RBM41: variants seen among roughly 807,000 people sequenced by gnomAD.
The protein encoded by RBM41 is RNA-binding protein 41.
Under a neutral mutation model 30.8 loss-of-function variants are expected in RBM41, and 14 were observed. That is an observed-to-expected ratio of 0.45 (90% CI 0.30 to 0.71). RBM41 has a LOEUF of 0.71. RBM41 is among the 30% of genes least tolerant of loss of function. The pLI is 0.08. For missense variants in RBM41, 276 were observed against 326.3 expected, an observed-to-expected ratio of 0.85 and a Z score of 1.19; for synonymous variants, 120 against 110.1, an observed-to-expected ratio of 1.09 and a Z score of -0.56.
intron 6 of RBM41, among the ~76,000 whole-genome samples, chrX:107,082,578 T>G (rs1447620610): frequency 9.0e-6 from 1 of 111,468 alleles, no homozygotes; most frequent in Non-Finnish European, 1.9e-5. Flanking sequence ...AGTTAAGAAG[T>G]GTTCCCTCTG....
intron 1 of RBM41, 140 bp downstream of exon 1, chrX:107,118,626 T>A: frequency 1.3e-6 from 1 of 796,136 alleles, no homozygotes; most frequent in Non-Finnish European, 1.9e-6. Flanking sequence ...TCCTCCCGTC[T>A]CCTTTGTCGT....
intron 5 of RBM41, among the ~76,000 whole-genome samples, chrX:107,092,721 A>G (rs766102690): frequency 8.9e-6 from 1 of 112,625 alleles, no homozygotes; most frequent in Non-Finnish European, 1.9e-5. Context: ...CCAACATTAC[A>G]TGTCAGTGAA....
Position 107,117,718 on chromosome X carries a change from A to G in RBM41, c.9-952T>C, listed in dbSNP as rs62605987. 3.9e-3 allele frequency among the ~76,000 whole-genome samples: 436 copies of G among 111,893 alleles called. 1 individual carries two copies. The highest frequency in any genetic ancestry group is 5.9e-3 in the Non-Finnish European group (314 of 53,151). On this transcript the variant is annotated intron_variant, in intron 1 of 7. Transcript: ENST00000685964. Reference sequence around the variant, plus strand: ...GAACATTTTGTTTAGGGATAAATTCATATGTACTAGAAACTATTTGCTTTT... The same window carrying G: ...GAACATTTTGTTTAGGGATAAATTCGTATGTACTAGAAACTATTTGCTTTT...
At position 107,062,623 on chromosome X, in the gene RBM41, T is replaced by C. The variant is rs1395428516; in HGVS notation, c.*4904A>G. 9.2e-6 allele frequency among the ~76,000 whole-genome samples: 1 copy of C among 108,984 alleles called. No homozygotes were observed. Among genetic ancestry groups the C allele is most frequent in the Admixed American group, 9.7e-5 (1 of 10,355 alleles). 94.6% of individuals were successfully genotyped at this position (108,984 alleles called of 115,157 possible). ...AGCCATGCCATTGGCAGAATATTTT[T>C]TAAAAAATTTTTTAGTTAAAAAAAA... On this transcript the variant is annotated 3_prime_UTR_variant, in exon 8 of 8. Transcript: ENST00000685964.
chrX:107,107,670 T>C (rs766256187), intron 5 of RBM41, among the ~76,000 whole-genome samples: 1 of 111,642 alleles, frequency 9.0e-6, no homozygotes, highest in East Asian at 2.8e-4. Flanking sequence ...GTGGATGTGA[T>C]ACATAGACAA....
chrX:107,066,973 G>C lies in RBM41; in HGVS notation c.*554C>G. The stretch of plus-strand genomic sequence containing the variant: ...ATAGCTTTTTGAAGACTGATAACTT[G>C]TGGAGGAAGCATTCATTAAATAAGT... On this transcript the variant is annotated 3_prime_UTR_variant, in exon 8 of 8. Transcript: ENST00000685964. 2 of 747,611 alleles carry C rather than the reference G, an allele frequency of 2.7e-6. No homozygotes were observed. Among genetic ancestry groups the C allele is most frequent in the Non-Finnish European group, 3.2e-6 (2 of 633,781 alleles). The allele number at this position is 747,611 out of a possible 1,213,427, so 61.6% of individuals were successfully genotyped here.
downstream of RBM41, among the ~76,000 whole-genome samples, chrX:107,061,256 T>C (rs1935633172): frequency 8.9e-6 from 1 of 112,181 alleles, no homozygotes; most frequent in Non-Finnish European, 1.9e-5. Flanking sequence ...TTGATAACTG[T>C]ACTATAGTTA....
In RBM41 at chrX:107,093,949, A is replaced by G. The variant is rs1425948891; in HGVS notation, c.596-5110T>C. 3.6e-5 allele frequency among the ~76,000 whole-genome samples: 4 copies of G among 111,839 alleles called. No homozygotes were observed. In the Admixed American group the frequency reaches 3.8e-4, roughly 11 times the overall value. ...GAATGAAAAACAATTATTTAGGAAT[A>G]TTATAAATAACTTTAGGCCAACAAA... On this transcript the variant is annotated intron_variant, in intron 5 of 7. Transcript: ENST00000685964.
chrX:107,105,098 C>T (rs1417057863), intron 5 of RBM41, among the ~76,000 whole-genome samples: 12 of 111,314 alleles, frequency 1.1e-4, no homozygotes, highest in South Asian at 3.9e-4. Flanking sequence ...GCAGATGACA[C>T]AATTGTATAT....
intron 5 of RBM41, among the ~76,000 whole-genome samples, chrX:107,106,353 A>C (rs1266676699): frequency 7.2e-5 from 8 of 111,869 alleles, no homozygotes; most frequent in African/African-American, 2.3e-4. Flanking sequence ...GGCAATCATT[A>C]AAAAGTCAGG....
At chrX:107,105,434 C>A (rs1437202370) in intron 5 of RBM41, among the ~76,000 whole-genome samples, 1 of 106,388 alleles carries the variant, frequency 9.4e-6, no homozygotes, top group African/African-American at 3.4e-5. Flanking sequence ...GTGAAAATGG[C>A]CATACTGCCC....
At chrX:107,056,880 CTTTTT>C (rs199627504), downstream of RBM41, among the ~76,000 whole-genome samples, 4 of 82,215 alleles carry the variant, frequency 4.9e-5, no homozygotes, top group Admixed American at 2.8e-4. Context: ...TAACTATTAT[CTTTTT>C]TTTTTTGGGG....
intron 5 of RBM41, among the ~76,000 whole-genome samples, chrX:107,091,350 C>T (rs1028439282): frequency 5.4e-5 from 6 of 111,805 alleles, no homozygotes; most frequent in African/African-American, 1.9e-4. Context: ...TACTTTTGCC[C>T]TTAGAATATG....
At chrX:107,110,160 T>G (rs1178739575) in intron 5 of RBM41, among the ~76,000 whole-genome samples, 1 of 109,888 alleles carries the variant, frequency 9.1e-6, no homozygotes. Flanking sequence ...AAAAAATAAG[T>G]GAACTTTAAC....
chrX:107,116,015 C>T lies in RBM41; in HGVS notation c.165G>A (p.Met55Ile). The T allele has an allele frequency of 8.4e-7, 1 of 1,194,991 alleles. No homozygotes were observed. The highest frequency in any genetic ancestry group is 1.1e-6 in the Non-Finnish European group (1 of 886,848). The change falls in exon 3 of 8, where the codon ATG becomes ATA. Residue 55 changes from methionine to isoleucine, a missense_variant. Transcript: ENST00000685964. Reference sequence around the variant, plus strand: ...CTGCTTCCTTCCCAAAGGGCTTGTACATAGTACCAGGAGCAAAGCTCTCTT... The same window carrying T: ...CTGCTTCCTTCCCAAAGGGCTTGTATATAGTACCAGGAGCAAAGCTCTCTT... ...SKKESFAPGT[M>I]YKPFGKEAAG... is the part of the protein sequence containing the mutation.
At chrX:107,105,054 A>G (rs1387240763) in intron 5 of RBM41, among the ~76,000 whole-genome samples, 6 of 110,772 alleles carry the variant, frequency 5.4e-5, no homozygotes, top group South Asian at 3.9e-4. Context: ...AGGGTATTCA[A>G]TTAGGAAAAG....
intron 5 of RBM41, among the ~76,000 whole-genome samples, chrX:107,105,713 G>A (rs192918861): frequency 1.1e-3 from 121 of 110,986 alleles, no homozygotes; most frequent in African/African-American, 3.4e-3. Flanking sequence ...AAATAATGCC[G>A]CATATCTACA....
intron 5 of RBM41, among the ~76,000 whole-genome samples, chrX:107,106,875 G>T (rs1421159476): frequency 3.1e-5 from 3 of 98,317 alleles, no homozygotes; most frequent in African/African-American, 8.2e-5. Context: ...GTTGTGGGGT[G>T]GGGGGAGTGG....
downstream of RBM41, among the ~76,000 whole-genome samples, chrX:107,058,545 G>A (rs188417536): frequency 1.3e-3 from 147 of 111,160 alleles, 2 homozygotes; most frequent in Admixed American, 9.8e-3. Context: ...TGGTTATAGA[G>A]CTAGTAAATG....
Sources: allele counts gnomAD v4.1 joint callset (sites outside exome capture counted in the v4.1 genomes callset), GRCh38; gene constraint gnomAD v4.1.1; transcripts MANE v1.5; gene names NCBI Gene and HGNC (gene_info 2026-07-23, HGNC 2026-07-21).